Variants in NOL10 observed in about 807,000 individuals in gnomAD.
NOL10 encodes H_NH0074G24.1.
A neutral mutation model predicts 103.5 loss-of-function variants in NOL10; 58 were observed. The ratio of observed to expected loss-of-function variants is 0.56; its 90% CI spans 0.45 to 0.70. The LOEUF (loss-of-function observed/expected upper bound fraction) is 0.70, where lower values mean the gene tolerates loss of function less well. Among genes scored for constraint, NOL10 ranks in the 30% least tolerant of loss-of-function variants. The pLI is 0.00. For missense variants in NOL10, 763 were observed against 807.3 expected, an observed-to-expected ratio of 0.95 and a Z score of 0.67; for synonymous variants, 287 against 282.5, an observed-to-expected ratio of 1.02 and a Z score of -0.16.
intron 13 of NOL10, among the ~76,000 whole-genome samples, chr2:10,608,450 G>A (rs1357778443): frequency 6.6e-6 from 1 of 152,196 alleles, no homozygotes; most frequent in African/African-American, 2.4e-5. Flanking sequence ...TGAGGTCAAT[G>A]TATGCCAAAG....
intron 20 of NOL10, among the ~76,000 whole-genome samples, chr2:10,574,379 G>A (rs1484611693): frequency 1.3e-5 from 2 of 152,160 alleles, no homozygotes; most frequent in African/African-American, 4.8e-5. Flanking sequence ...CAGATGTGGT[G>A]GCTTACACCT....
In NOL10 at chr2:10,671,580, G is replaced by A; in HGVS notation, c.438C>T (p.Ser146=). ...FGRDFSYHYP[S]CDLYFVGASS... is the part of the protein sequence containing the mutation. Reference sequence around the variant, plus strand: ...TTGCACCAACAAAGTACAAGTCACAGGATGGATAGTGGTAAGAGAAATCTC... The same window carrying A: ...TTGCACCAACAAAGTACAAGTCACAAGATGGATAGTGGTAAGAGAAATCTC... Residue 146 remains serine (S), a synonymous_variant, in exon 6 of 21, where the codon TCC becomes TCT. Coordinates refer to ENST00000381685, the MANE Select transcript of NOL10 (RefSeq NM_024894.4). 3.7e-6 allele frequency: 6 copies of A among 1,606,636 alleles called. No individual in the cohort carries two copies. The highest frequency in any genetic ancestry group is 5.1e-6 in the Non-Finnish European group (6 of 1,176,532).
intron 12 of NOL10, among the ~76,000 whole-genome samples, chr2:10,648,222 A>G (rs1372612181): frequency 6.6e-6 from 1 of 152,206 alleles, no homozygotes; most frequent in Non-Finnish European, 1.5e-5. Flanking sequence ...AACCATAATC[A>G]TGATTATGCT....
At chr2:10,618,135 C>G (rs1243803397) in intron 13 of NOL10, among the ~76,000 whole-genome samples, 1 of 151,798 alleles carries the variant, frequency 6.6e-6, no homozygotes, top group African/African-American at 2.4e-5. Flanking sequence ...CCTCAGCCTC[C>G]CGAATAGCTG....
At chr2:10,588,976 A>C in intron 19 of NOL10, 67 bp downstream of exon 19, 3 of 1,579,544 alleles carry the variant, frequency 1.9e-6, no homozygotes, top group Non-Finnish European at 2.6e-6. Flanking sequence ...CTTTAGGGCA[A>C]TGTGCCAGAG....
chr2:10,662,180 C>G (rs1031558541), intron 9 of NOL10, among the ~76,000 whole-genome samples: 1 of 152,182 alleles, frequency 6.6e-6, no homozygotes, highest in Non-Finnish European at 1.5e-5. Context: ...GTGCCTACAG[C>G]AAAGGGCTGT....
At chr2:10,606,196 C>T (rs1676244915) in intron 14 of NOL10, among the ~76,000 whole-genome samples, 1 of 149,484 alleles carries the variant, frequency 6.7e-6, no homozygotes, top group South Asian at 2.1e-4. Flanking sequence ...AAGTTTACTA[C>T]CACTGAAACT....
chr2:10,652,592 C>A (rs2148300784), intron 12 of NOL10, among the ~76,000 whole-genome samples: 1 of 152,278 alleles, frequency 6.6e-6, no homozygotes, highest in South Asian at 2.1e-4. Flanking sequence ...GAATCTCTTC[C>A]ATACTTCAAA....
At chr2:10,607,719 A>G (rs1217533682) in intron 13 of NOL10, among the ~76,000 whole-genome samples, 1 of 150,692 alleles carries the variant, frequency 6.6e-6, no homozygotes, top group Non-Finnish European at 1.5e-5. Context: ...ACAAAAGTCT[A>G]AAAGAAAAAT....
intron 13 of NOL10, among the ~76,000 whole-genome samples, chr2:10,626,324 G>A (rs1334472644): frequency 6.6e-6 from 1 of 152,162 alleles, no homozygotes; most frequent in Non-Finnish European, 1.5e-5. Context: ...AACATACAAA[G>A]TTCCCGCCTT....
At chr2:10,615,230 T>G (rs965537800) in intron 13 of NOL10, among the ~76,000 whole-genome samples, 4 of 152,346 alleles carry the variant, frequency 2.6e-5, no homozygotes, top group African/African-American at 9.6e-5. Flanking sequence ...GCAATTTAAT[T>G]TCAACATTTT....
intron 1 of NOL10, among the ~76,000 whole-genome samples, chr2:10,686,221 G>A (rs1682191144): frequency 6.6e-6 from 1 of 152,188 alleles, no homozygotes; most frequent in South Asian, 2.1e-4. Context: ...AGTGTTGGTG[G>A]AGAATTATAA....
rs565577750 is a variant in NOL10, at chr2:10,627,679, AAAAC to A, written c.1026+16637_1026+16640del. ...GACAGCGTAAGACTCCGTCTCAAAA[AAAAC>A]AAACAAACAAACAAACAAAAAAAAA... is the stretch of plus-strand genomic sequence containing the variant. On this transcript the variant is annotated intron_variant, in intron 13 of 20. Coordinates refer to ENST00000381685, the MANE Select transcript of NOL10 (RefSeq NM_024894.4). 5.9e-3 allele frequency among the ~76,000 whole-genome samples: 883 copies of A among 148,858 alleles called. 14 individuals are homozygous for A. The highest frequency in any genetic ancestry group is 0.017 in the African/African-American group (699 of 40,152).
chr2:10,630,712 C>T (rs1677783688), intron 13 of NOL10, among the ~76,000 whole-genome samples: 1 of 152,006 alleles, frequency 6.6e-6, no homozygotes, highest in African/African-American at 2.4e-5. Flanking sequence ...AAGACACTGT[C>T]TCAGGAAAAA....
chr2:10,668,780 A>T (rs907150823), intron 6 of NOL10, 57 bp from the exon 7 acceptor site: 29 of 718,186 alleles, frequency 4.0e-5, no homozygotes, highest in Non-Finnish European at 5.4e-5. Flanking sequence ...ACTTTAAGTA[A>T]ATATAAATTT....
intron 13 of NOL10, among the ~76,000 whole-genome samples, chr2:10,642,720 A>C (rs1678786989): frequency 6.6e-6 from 1 of 151,490 alleles, no homozygotes; most frequent in Non-Finnish European, 1.5e-5. Flanking sequence ...ACTCCACCCC[A>C]CCCCTTCACC....
chr2:10,632,096 C>G (rs918964386), intron 13 of NOL10, among the ~76,000 whole-genome samples: 1 of 152,170 alleles, frequency 6.6e-6, no homozygotes, highest in African/African-American at 2.4e-5. Flanking sequence ...CAACCATTAT[C>G]AAAGACGCTC....
chr2:10,642,649 T>G (rs963181340), intron 13 of NOL10, among the ~76,000 whole-genome samples: 2 of 152,092 alleles, frequency 1.3e-5, no homozygotes, highest in Admixed American at 1.3e-4. Flanking sequence ...TCCGATCTAC[T>G]GTCCAACCTG....
intron 7 of NOL10, among the ~76,000 whole-genome samples, chr2:10,668,296 C>T (rs1180326158): frequency 6.6e-6 from 1 of 152,060 alleles, no homozygotes; most frequent in East Asian, 1.9e-4. Context: ...TGTCCGCTAG[C>T]AGAGCATAAA....
Sources: gnomAD v4.1 joint callset for allele counts (sites outside exome capture counted in the v4.1 genomes callset) on GRCh38, gnomAD v4.1.1 for gene constraint, MANE v1.5 for transcripts, NCBI Gene and HGNC (gene_info 2026-07-23, HGNC 2026-07-21) for gene names.